TMEM69: variants seen among roughly 807,000 people sequenced by gnomAD.
TMEM69 encodes the protein chromosome 1 open reading frame 154.
A neutral mutation model predicts 15.8 loss-of-function variants in TMEM69; 17 were observed. That is an observed-to-expected ratio of 1.07 (90% confidence interval 0.73 to 1.61). The LOEUF is 1.61. TMEM69 is among the 40% of genes most tolerant of loss of function. TMEM69 has a pLI of 0.00. For synonymous variants in TMEM69, 80 were observed against 98.6 expected (o/e 0.81, Z 1.12); for missense variants, 230 against 286.1 (o/e 0.80, Z 1.41).
At chr1:45,688,619 A>G (rs762419894) in intron 1 of TMEM69, among the ~76,000 whole-genome samples, 12 of 152,206 alleles carry the variant, frequency 7.9e-5, no homozygotes, top group Middle Eastern at 6.8e-3. Flanking sequence ...CCACAGAGGA[A>G]AGGGAGTTTC....
Position 45,688,200 on chromosome 1 carries a change from C to T in TMEM69, c.-171C>T, listed in dbSNP as rs1328585160. 2 of 152,190 alleles carry T rather than the reference C, an allele frequency of 1.3e-5. No homozygotes were observed. The highest frequency in any genetic ancestry group is 4.8e-5 in the African/African-American group (2 of 41,414). 9.4% of individuals were successfully genotyped at this position (152,190 alleles called of 1,614,324 possible). On this transcript the variant is annotated 5_prime_UTR_variant, in exon 1 of 3. Transcript: ENST00000372025. ...GAATCCACTTGCCGGAAGTGCCTTTCCAGTGGACCTGGGCTGTTGTTGCGG... is the reference window on the plus strand; with the variant it reads ...GAATCCACTTGCCGGAAGTGCCTTTTCAGTGGACCTGGGCTGTTGTTGCGG...
chr1:45,689,166 C>T (rs1342251909), intron 1 of TMEM69, among the ~76,000 whole-genome samples: 2 of 152,006 alleles, frequency 1.3e-5, no homozygotes, highest in Non-Finnish European at 2.9e-5. Context: ...CCTCGGCCTC[C>T]CAAACTGCTG....
rs557612910 is a variant in TMEM69, at chr1:45,693,497, A to G, written c.336A>G (p.Pro112=). Reference sequence around the variant, plus strand: ...GACTAATCCCCTTCGTTGCTCCACCACTGGTCATGCTGATGACAAAAACTT... The same window carrying G: ...GACTAATCCCCTTCGTTGCTCCACCGCTGGTCATGCTGATGACAAAAACTT... ...LAGLIPFVAP[P]LVMLMTKTYI... The change falls in exon 3 of 3, where the codon CCA becomes CCG. Residue 112 remains proline (P), a synonymous_variant. Transcript: ENST00000372025. 36 of 1,614,156 alleles carry G rather than the reference A, an allele frequency of 2.2e-5. No homozygotes were observed. The East Asian group carries it at 5.1e-4, about 23-fold the overall frequency.
Position 45,693,205 on chromosome 1 carries a change from T to C in TMEM69, c.44T>C (p.Ile15Thr), listed in dbSNP as rs1276583140. 3 of 1,589,552 alleles carry C rather than the reference T, an allele frequency of 1.9e-6. No individual in the cohort carries two copies. The highest frequency in any genetic ancestry group is 2.3e-5 in the South Asian group (2 of 87,396). ...CTTTTGGTTCTATTTTCTTTGTAGA[T>C]ACTGAAGTACTCTTTCCCAGTGGGA... ...IQKFSQASSK[I>T]LKYSFPVGLR... Residue 15 changes from isoleucine (I) to threonine (T), a missense_variant and splice_region_variant, in exon 3 of 3, where the codon ATA becomes ACA. Ile to Thr is a moderately conservative substitution (Grantham distance 89). Transcript: ENST00000372025.
chr1:45,693,366 T>C lies in TMEM69; in HGVS notation c.205T>C (p.Cys69Arg), dbSNP rs772176408. 4 of 1,614,190 alleles carry C rather than the reference T, an allele frequency of 2.5e-6. No individual in the cohort carries two copies. The South Asian group carries it at 4.4e-5, about 18-fold the overall frequency. ...GACACAGTGCTATCATACATCCCCCTGCAGCTTTAAAAAGCAGCAGAAGCA... is the reference window on the plus strand; with the variant it reads ...GACACAGTGCTATCATACATCCCCCCGCAGCTTTAAAAAGCAGCAGAAGCA... ...SKTQCYHTSP[C>R]SFKKQQKQAL... The change falls in exon 3 of 3, where the codon TGC becomes CGC. Residue 69 changes from cysteine (C) to arginine (R), a missense_variant. Transcript: ENST00000372025.
intron 2 of TMEM69, among the ~76,000 whole-genome samples, chr1:45,692,038 C>T (rs1205345344): frequency 6.6e-6 from 1 of 152,068 alleles, no homozygotes; most frequent in Non-Finnish European, 1.5e-5. Flanking sequence ...ATCCCAGCTA[C>T]TCAGGAGGCT....
chr1:45,688,583 A>G lies in TMEM69; in HGVS notation c.-96+308A>G, dbSNP rs556896678. Among the ~76,000 whole-genome samples the G allele has an allele frequency of 1.1e-4, 17 of 152,158 alleles. No homozygotes were observed. In the East Asian group the frequency reaches 3.3e-3, roughly 29 times the overall value. ...TGGACTTTTTAGGTTATCACTTTTT[A>G]ATACCCACTAGTTGGAAAGCACGTG... On this transcript the variant is annotated intron_variant, in intron 1 of 2. Coordinates refer to ENST00000372025, the MANE Select transcript of TMEM69 (RefSeq NM_016486.4).
In TMEM69 at chr1:45,693,208, T is replaced by C. The variant is rs755407821; in HGVS notation, c.47T>C (p.Leu16Pro). 7 of 1,597,240 alleles carry C rather than the reference T, an allele frequency of 4.4e-6. No individual in the cohort carries two copies. In the South Asian group the frequency reaches 7.9e-5, roughly 18 times the overall value. Residue 16 changes from leucine to proline, a missense_variant, in exon 3 of 3, where the codon CTG becomes CCG. Coordinates refer to ENST00000372025, the MANE Select transcript of TMEM69 (RefSeq NM_016486.4). Reference protein sequence around the residue: ...QKFSQASSKILKYSFPVGLRT... With the variant: ...QKFSQASSKIPKYSFPVGLRT... The stretch of plus-strand genomic sequence containing the variant: ...TTGGTTCTATTTTCTTTGTAGATAC[T>C]GAAGTACTCTTTCCCAGTGGGACTA...
chr1:45,692,773 T>C (rs1383394193), intron 2 of TMEM69, among the ~76,000 whole-genome samples: 1 of 152,152 alleles, frequency 6.6e-6, no homozygotes, highest in Non-Finnish European at 1.5e-5. Context: ...TAAAACTAAG[T>C]TGGAAGGTAG....
At chr1:45,691,262 A>T in intron 2 of TMEM69, 152 bp downstream of exon 2, 1 of 750,692 alleles carries the variant, frequency 1.3e-6, no homozygotes, top group Non-Finnish European at 2.3e-6. Context: ...AATGTTTATT[A>T]TATCAGGCTG....
At position 45,693,528 on chromosome 1, in the gene TMEM69, C is replaced by T; in HGVS notation, c.367C>T (p.Pro123Ser). Reference protein sequence around the residue: ...LVMLMTKTYIPILAFTQMAYG... With the variant: ...LVMLMTKTYISILAFTQMAYG... ...CATGCTGATGACAAAAACTTATATT[C>T]CCATATTAGCTTTTACTCAGATGGC... The change falls in exon 3 of 3, where the codon CCC becomes TCC. Residue 123 changes from proline (P) to serine (S), a missense_variant. Pro to Ser is a moderately conservative substitution (Grantham distance 74). Coordinates refer to ENST00000372025, the MANE Select transcript of TMEM69 (RefSeq NM_016486.4). 3.1e-6 allele frequency: 5 copies of T among 1,614,194 alleles called. No homozygotes were observed. The highest frequency in any genetic ancestry group is 4.2e-6 in the Non-Finnish European group (5 of 1,180,036).
chr1:45,688,675 A>G (rs1645320332), intron 1 of TMEM69, among the ~76,000 whole-genome samples: 1 of 152,108 alleles, frequency 6.6e-6, no homozygotes, highest in South Asian at 2.1e-4. Context: ...TGGTCTGGAA[A>G]GTCCTTAAGA....
chr1:45,693,346 AGT>A lies in TMEM69; in HGVS notation c.187_188del (p.Cys63LeufsTer9), dbSNP rs1197731395. The A allele has an allele frequency of 1.2e-6, 2 of 1,614,162 alleles. No homozygotes were observed. Among genetic ancestry groups the A allele is most frequent in the Non-Finnish European group, 1.7e-6 (2 of 1,180,034 alleles). On this transcript the variant is annotated frameshift_variant, in exon 3 of 3. Coordinates refer to ENST00000372025, the MANE Select transcript of TMEM69 (RefSeq NM_016486.4). LOFTEE classifies it high-confidence loss of function. ...TTTCCAGCGTATATGAGCAAGACAC[AGT>A]GCTATCATACATCCCCCTGCAGCTT...
At chr1:45,692,006 G>C (rs927255947) in intron 2 of TMEM69, among the ~76,000 whole-genome samples, 4 of 151,908 alleles carry the variant, frequency 2.6e-5, no homozygotes, top group African/African-American at 9.7e-5. Flanking sequence ...AAATTAGCTG[G>C]GCATGGTGGC....
rs1330370521 is a variant in TMEM69 at position 45,693,284 on chromosome 1, CTT to C, written c.126_127del (p.Ser43ProfsTer29). On this transcript the variant is annotated frameshift_variant, in exon 3 of 3. Coordinates refer to ENST00000372025, the MANE Select transcript of TMEM69 (RefSeq NM_016486.4). LOFTEE classifies it high-confidence loss of function. ...CTCTCAAGATGTCTCTCCAGCAAAA[CTT>C]TTCCCCATGTCCAAGGCCTTGGCTT... ...LSLKMSLQQN[F>X]SPCPRPWLSS... 3 of 1,614,176 alleles carry C rather than the reference CTT, an allele frequency of 1.9e-6. No individual in the cohort carries two copies. The South Asian group carries it at 3.3e-5, about 18-fold the overall frequency.
intron 1 of TMEM69, among the ~76,000 whole-genome samples, chr1:45,689,095 G>C (rs975333460): frequency 6.6e-5 from 10 of 151,768 alleles, no homozygotes; most frequent in African/African-American, 1.5e-4. Context: ...AGTAGAGACG[G>C]GGGGGAGGTT....
rs756011175 is a variant in TMEM69 at position 45,693,765 on chromosome 1, T to C, written c.604T>C (p.Phe202Leu). Residue 202 changes from phenylalanine to leucine, a missense_variant, in exon 3 of 3, where the codon TTT becomes CTT. Phe to Leu is a conservative substitution (Grantham distance 22). Transcript: ENST00000372025. ...GGGAGTAGCATTCCACCTTGAACTT[T>C]TTCTCTTACCACATTATCCCAACTG... ...GMGVAFHLEL[F>L]LLPHYPNWFK... 12 of 1,614,136 alleles carry C rather than the reference T, an allele frequency of 7.4e-6. No individual in the cohort carries two copies. The African/African-American group carries it at 9.3e-5, about 13-fold the overall frequency.
At chr1:45,693,139 G>T in intron 2 of TMEM69, 65 bp from the exon 3 acceptor site, 1 of 1,226,994 alleles carries the variant, frequency 8.2e-7, no homozygotes, top group South Asian at 1.6e-5. Context: ...TACTGGGATT[G>T]ACTAAAATCT....
rs148693817 is a variant in TMEM69 at position 45,693,937 on chromosome 1, C to T, written c.*32C>T. On this transcript the variant is annotated 3_prime_UTR_variant, in exon 3 of 3. Transcript: ENST00000372025. ...TAAAAGTCTGGGAAGTGAGGAGCAC[C>T]TCTGCCCAGCTGCTGCCCCGTCTGG... 548 of 1,411,326 alleles carry T rather than the reference C, an allele frequency of 3.9e-4. 4 individuals carry two copies. The African/African-American group carries it at 7.3e-3, about 19-fold the overall frequency. The allele number at this position is 1,411,326 out of a possible 1,614,324, so 87.4% of individuals were successfully genotyped here. A position where few individuals can be genotyped will look rare whatever the true frequency, so the allele number is the denominator to read the frequency against.
Sources: allele counts gnomAD v4.1 joint callset (sites outside exome capture counted in the v4.1 genomes callset), GRCh38; gene constraint gnomAD v4.1.1; transcripts MANE v1.5; gene names NCBI Gene and HGNC (gene_info 2026-07-23, HGNC 2026-07-21).